The following LYST variants were observed in gnomAD, a reference collection of about 807,000 sequenced individuals.
The protein encoded by LYST is lysosomal trafficking regulator, also known as lysosomal-trafficking regulator.
A neutral mutation model predicts 413.6 loss-of-function variants in LYST; 192 were observed. The ratio of observed to expected loss-of-function variants is 0.46; its 90% CI spans 0.41 to 0.52. The LOEUF is 0.52. LYST is among the 20% of genes least tolerant of loss of function. LYST has a pLI of 0.00. For synonymous variants in LYST, 1,525 were observed against 1,567.3 expected (o/e 0.97, Z 0.64); for missense variants, 3,815 against 4,499.9 (o/e 0.85, Z 4.35).
rs777471673 is a variant in LYST at position 235,805,782 on chromosome 1, T to C, written c.3354A>G (p.Arg1118=). 4.0e-5 allele frequency: 65 copies of C among 1,613,504 alleles called. No homozygotes were observed. The Middle Eastern group carries it at 3.0e-3, about 73-fold the overall frequency. ...ALLAICLHGA[R]TSQQKMELEL... is the part of the protein sequence containing the mutation. ...CCAATTCCATCTTCTGTTGACTAGT[T>C]CTGGCACCATGAAGACAAATGGCCA... Residue 1118 remains arginine, a synonymous_variant, in exon 6 of 53, where the codon AGA becomes AGG. Coordinates refer to ENST00000389793, the MANE Select transcript of LYST (RefSeq NM_000081.4).
In LYST at chr1:235,674,050, A is replaced by G. The variant is rs1299211875; in HGVS notation, c.11038+3041T>C. On this transcript the variant is annotated intron_variant, in intron 50 of 52. Transcript: ENST00000389793. The surrounding 1 kb of genome is among the most constrained non-coding windows in gnomAD (Gnocchi z 4.1). ...TTCCAAGACCCCACAGCCCGGGGCA[A>G]TAAGGCATGCCAGTCTCTCGTTACT... Among the ~76,000 whole-genome samples, 1 of 152,138 alleles carries G rather than the reference A, an allele frequency of 6.6e-6. No homozygotes were observed. The highest frequency in any genetic ancestry group is 2.4e-5 in the African/African-American group (1 of 41,444).
chr1:235,792,196 G>T, intron 11 of LYST, 71 bp from the exon 12 acceptor site: 1 of 1,025,356 alleles, frequency 9.8e-7, no homozygotes, highest in Non-Finnish European at 1.5e-6. Flanking sequence ...TGAAATTTAG[G>T]TTATAAATGA....
At chr1:235,787,484 T>C (rs1275676011) in intron 13 of LYST, 111 bp from the exon 14 acceptor site, 1 of 951,366 alleles carries the variant, frequency 1.1e-6, no homozygotes, top group Non-Finnish European at 1.6e-6. Flanking sequence ...AAATCAGTTC[T>C]ATTTTTTTTA....
At chr1:235,879,307 G>A (rs1681272377) in intron 1 of LYST, among the ~76,000 whole-genome samples, 1 of 152,246 alleles carries the variant, frequency 6.6e-6, no homozygotes, top group African/African-American at 2.4e-5. Context: ...ATTCTGACCA[G>A]TTGAAGGCAG....
chr1:235,687,229 G>A (rs947567540), intron 47 of LYST, among the ~76,000 whole-genome samples, 182 bp from the exon 48 acceptor site: 2 of 151,930 alleles, frequency 1.3e-5, no homozygotes, highest in East Asian at 3.9e-4. Context: ...GTAATATTCC[G>A]TAACTTTGAG....
Position 235,663,058 on chromosome 1 carries a change from C to G in LYST, c.11288G>C (p.Gly3763Ala). The change falls in exon 53 of 53, where the codon GGC becomes GCC. Residue 3763 changes from glycine (G) to alanine (A), a missense_variant. Transcript: ENST00000389793. Reference protein sequence around the residue: ...PIISLTFSCDGHHLYTANSDG... With the variant: ...PIISLTFSCDAHHLYTANSDG... ...ACTGTTTGCTGTGTACAAATGGTGGCCATCACAAGAAAATGTAAGGCTGTA... is the reference window on the plus strand; with the variant it reads ...ACTGTTTGCTGTGTACAAATGGTGGGCATCACAAGAAAATGTAAGGCTGTA... The G allele has an allele frequency of 6.2e-7, 1 of 1,610,874 alleles. No individual in the cohort carries two copies. The highest frequency in any genetic ancestry group is 8.5e-7 in the Non-Finnish European group (1 of 1,178,798).
intron 1 of LYST, among the ~76,000 whole-genome samples, chr1:235,848,085 AT>A (rs1678083456): frequency 6.6e-6 from 1 of 152,220 alleles, no homozygotes; most frequent in Admixed American, 6.5e-5. Context: ...TATACATTCT[AT>A]TCAACAGCAC....
At chr1:235,823,322 A>C (rs1344858173) in intron 3 of LYST, among the ~76,000 whole-genome samples, 3 of 152,210 alleles carry the variant, frequency 2.0e-5, no homozygotes, top group Admixed American at 2.0e-4. Context: ...TCATGCATAG[A>C]TAGAACTAGG....
chr1:235,730,848 T>G lies in LYST; in HGVS notation c.9043A>C (p.Arg3015=). 5 of 1,585,962 alleles carry G rather than the reference T, an allele frequency of 3.2e-6. No individual in the cohort carries two copies. Among genetic ancestry groups the G allele is most frequent in the Non-Finnish European group, 4.3e-6 (5 of 1,154,408 alleles). ...GAAGGTCTATTGATTCAAAGTTACC[T>G]TATAGATTCACTTGCAGCTTTGTCT... ...VKDKAASESI[R]VNRRCISVAP... Residue 3015 remains arginine, a splice_region_variant and synonymous_variant, in exon 36 of 53, where the codon AGA becomes CGA. Transcript: ENST00000389793.
intron 22 of LYST, among the ~76,000 whole-genome samples, chr1:235,762,250 G>A (rs1455234610): frequency 6.6e-6 from 1 of 152,142 alleles, no homozygotes; most frequent in Non-Finnish European, 1.5e-5. Context: ...GAACAAAGCG[G>A]GATATTGTAG....
intron 45 of LYST, among the ~76,000 whole-genome samples, chr1:235,698,918 G>T (rs1021484170): frequency 1.3e-5 from 2 of 151,932 alleles, no homozygotes. Context: ...ATAAAGTTGA[G>T]AAAAATGTGT....
intron 50 of LYST, among the ~76,000 whole-genome samples, chr1:235,673,645 T>C (rs921331826): frequency 8.5e-5 from 13 of 152,116 alleles, no homozygotes; most frequent in Admixed American, 2.6e-4. Flanking sequence ...TAACCCCACC[T>C]TAGGTGCTTC....
In LYST at chr1:235,686,998, C is replaced by T. The variant is rs1319958437; in HGVS notation, c.10751G>A (p.Ser3584Asn). 1.2e-6 allele frequency: 2 copies of T among 1,614,108 alleles called. No homozygotes were observed. The highest frequency in any genetic ancestry group is 1.7e-6 in the Non-Finnish European group (2 of 1,179,996). ...GTAGGCTGTGATGACACCGCATTTG[C>T]TTCCAGTAAACAGCTGGCAACTGTC... ...VPDSCQLFTG[S>N]KCGVITAYTN... Residue 3584 changes from serine (S) to asparagine (N), a missense_variant, in exon 48 of 53, where the codon AGC (serine) becomes AAC (asparagine). Ser to Asn is a conservative substitution (Grantham distance 46). This residue lies in a region of LYST where 866 missense variants were observed against 1,156.0 expected (regional missense o/e 0.75). Transcript: ENST00000389793. This position sits in a 1 kb window ranked among gnomAD's most constrained non-coding sequence, Gnocchi z 4.0.
In LYST at chr1:235,766,112, T is replaced by A; in HGVS notation, c.6088A>T (p.Asn2030Tyr). The change falls in exon 21 of 53, where the codon AAT becomes TAT. Residue 2030 changes from asparagine to tyrosine, a missense_variant. By Grantham distance (143) the Asn-to-Tyr change is moderately radical. This residue lies in a region of LYST where 530 missense variants were observed against 696.5 expected (regional missense o/e 0.76). Coordinates refer to ENST00000389793, the MANE Select transcript of LYST (RefSeq NM_000081.4). ...HPPTNTYVCH[N>Y]PTNFYFSLHI... ...AAAGAAAAGTAGAAGTTCGTGGGATTGTGACAAACGTAAGTATTAGTAGGA... is the reference window on the plus strand; with the variant it reads ...AAAGAAAAGTAGAAGTTCGTGGGATAGTGACAAACGTAAGTATTAGTAGGA... 1 of 1,613,616 alleles carries A rather than the reference T, an allele frequency of 6.2e-7. No individual in the cohort carries two copies. The highest frequency in any genetic ancestry group is 8.5e-7 in the Non-Finnish European group (1 of 1,179,570).
At chr1:235,856,776 A>G (rs1679237460) in intron 1 of LYST, among the ~76,000 whole-genome samples, 1 of 152,188 alleles carries the variant, frequency 6.6e-6, no homozygotes, top group South Asian at 2.1e-4. Flanking sequence ...TGGAAGCATC[A>G]CTAAGCAGAA....
At chr1:235,752,924 G>T (rs1666648504) in intron 26 of LYST, 120 bp downstream of exon 26, 2 of 594,582 alleles carry the variant, frequency 3.4e-6, no homozygotes, top group Non-Finnish European at 6.0e-6. Flanking sequence ...TTTAGGTTCA[G>T]AGGTACACAG....
chr1:235,712,562 G>A (rs758505971), intron 42 of LYST: 240 of 961,204 alleles, frequency 2.5e-4, no homozygotes, highest in Non-Finnish European at 2.8e-4. Context: ...TTTATTGAAT[G>A]AATGAATAAT....
At chr1:235,702,699 G>T (rs992733921) in intron 45 of LYST, 48 bp downstream of exon 45, 19 of 1,468,726 alleles carry the variant, frequency 1.3e-5, no homozygotes, top group Non-Finnish European at 1.7e-5. Flanking sequence ...GGCATCACAA[G>T]AGTCTAATCA....
chr1:235,687,858 T>A (rs1050222561), intron 47 of LYST, among the ~76,000 whole-genome samples: 1 of 152,210 alleles, frequency 6.6e-6, no homozygotes, highest in Non-Finnish European at 1.5e-5. Context: ...CCTTGCCTCA[T>A]CCTCAGGCTT....
Sources: gnomAD v4.1 joint callset for allele counts (sites outside exome capture counted in the v4.1 genomes callset) on GRCh38, gnomAD v4.1.1 for gene constraint, gnomAD v4.1.1 regional missense constraint, Gnocchi (gnomAD v3.1) non-coding constraint, MANE v1.5 for transcripts, NCBI Gene and HGNC (gene_info 2026-07-23, HGNC 2026-07-21) for gene names.